VPS13A: variants seen among roughly 807,000 people sequenced by gnomAD.
The protein encoded by VPS13A is intermembrane lipid transfer protein VPS13A.
VPS13A carries 264 observed loss-of-function variants against 390.9 expected under a neutral mutation model. That is an observed-to-expected ratio of 0.68 (90% CI 0.61 to 0.75). The LOEUF is 0.75. Among genes scored for constraint, VPS13A ranks in the 30% least tolerant of loss-of-function variants. The pLI is 0.00. For synonymous variants in VPS13A, 1,231 were observed against 1,227.1 expected (o/e 1.00, Z -0.07); for missense variants, 3,409 against 3,733.9 (o/e 0.91, Z 2.27).
chr9:77,306,601 T>C (rs1828767425), intron 34 of VPS13A, among the ~76,000 whole-genome samples: 1 of 152,124 alleles, frequency 6.6e-6, no homozygotes, highest in East Asian at 1.9e-4. Flanking sequence ...GGCAGTCTGC[T>C]GGCAGAATTC....
chr9:77,334,723 G>C (rs1025599030), intron 46 of VPS13A, among the ~76,000 whole-genome samples: 4 of 152,068 alleles, frequency 2.6e-5, no homozygotes, highest in Non-Finnish European at 5.9e-5. Flanking sequence ...TAAATGTTTT[G>C]ATAAACTGGA....
chr9:77,328,791 C>T (rs1371204584), intron 45 of VPS13A, among the ~76,000 whole-genome samples: 1 of 152,158 alleles, frequency 6.6e-6, no homozygotes, highest in Non-Finnish European at 1.5e-5. Flanking sequence ...AATGTTATAG[C>T]TGGTTTGATC....
Position 77,408,161 on chromosome 9 carries a change from T to G in VPS13A, c.9474+554T>G, listed in dbSNP as rs2131660425. On this transcript the variant is annotated intron_variant, in intron 71 of 71. Transcript: ENST00000360280. ...GTGAACTGAAAAGCATGGTGTGTAC[T>G]TTAGGGATTATGGCAATCAATCACA... is the stretch of plus-strand genomic sequence containing the variant. 3.3e-5 allele frequency among the ~76,000 whole-genome samples: 5 copies of G among 152,332 alleles called. No homozygotes were observed. The South Asian group carries it at 1.0e-3, about 32-fold the overall frequency.
At chr9:77,310,541 G>A (rs1177972017) in intron 35 of VPS13A, among the ~76,000 whole-genome samples, 3 of 152,210 alleles carry the variant, frequency 2.0e-5, no homozygotes, top group Admixed American at 2.0e-4. Context: ...AATGTGAGAA[G>A]AGAACCTCTT....
intron 20 of VPS13A, among the ~76,000 whole-genome samples, chr9:77,248,371 A>T (rs1824948347): frequency 6.6e-6 from 1 of 151,454 alleles, no homozygotes; most frequent in African/African-American, 2.4e-5. Flanking sequence ...CCCCGCCACC[A>T]CGCCCGGCTA....
At chr9:77,373,173 G>A (rs1290898681) in intron 67 of VPS13A, among the ~76,000 whole-genome samples, 2 of 150,920 alleles carry the variant, frequency 1.3e-5, no homozygotes, top group Admixed American at 6.6e-5. Flanking sequence ...AGCCCGCATC[G>A]CCAAGGCAAT....
intron 46 of VPS13A, among the ~76,000 whole-genome samples, chr9:77,336,835 C>T (rs1395619842): frequency 8.3e-6 from 1 of 119,832 alleles, no homozygotes; most frequent in Non-Finnish European, 1.6e-5. Flanking sequence ...GAGGCTCTGT[C>T]GCCCAGGCTG....
chr9:77,244,003 C>G (rs915458249), intron 19 of VPS13A, among the ~76,000 whole-genome samples: 84 of 152,124 alleles, frequency 5.5e-4, no homozygotes, highest in Non-Finnish European at 5.1e-4. Flanking sequence ...TTTTGGTGGC[C>G]GAGCGGGGAG....
Position 77,337,152 on chromosome 9 carries a change from A to G in VPS13A, c.6096-103A>G, listed in dbSNP as rs375632398. ...TATGAAAATATAAAAATGTACTACA[A>G]TATTATGAAAGGAGGTAAGTTTGTT... is the stretch of plus-strand genomic sequence containing the variant. On this transcript the variant is annotated intron_variant, in intron 46 of 71. Coordinates refer to ENST00000360280, the MANE Select transcript of VPS13A (RefSeq NM_033305.3). 9.6e-5 allele frequency: 110 copies of G among 1,146,216 alleles called. No individual in the cohort carries two copies. In the East Asian group the frequency reaches 2.4e-3, roughly 25 times the overall value. The allele number at this position is 1,146,216 out of a possible 1,614,324, so 71.0% of individuals were successfully genotyped here.
intron 69 of VPS13A, among the ~76,000 whole-genome samples, chr9:77,405,068 G>GAAGA (rs1157482825): frequency 6.6e-6 from 1 of 151,802 alleles, no homozygotes; most frequent in African/African-American, 2.4e-5. Flanking sequence ...GAAAAATTAA[G>GAAGA]AAGAAAGACA....
intron 69 of VPS13A, 76 bp from the exon 70 acceptor site, chr9:77,405,788 C>T: frequency 1.3e-6 from 2 of 1,581,650 alleles, no homozygotes; most frequent in Non-Finnish European, 1.7e-6. Flanking sequence ...ACTTGCGATT[C>T]ATTCGTATCC....
intron 38 of VPS13A, among the ~76,000 whole-genome samples, chr9:77,315,951 T>A (rs1342572965): frequency 6.6e-6 from 1 of 151,984 alleles, no homozygotes; most frequent in Admixed American, 6.6e-5. Flanking sequence ...ACTAGATTAG[T>A]TTCTAGGCTT....
chr9:77,366,975 A>C, intron 61 of VPS13A, 103 bp downstream of exon 61: 1 of 1,222,646 alleles, frequency 8.2e-7, no homozygotes. Flanking sequence ...GTTGCAGATC[A>C]TAGGCAAAAT....
chr9:77,385,317 G>A (rs957629656), intron 68 of VPS13A: 36 of 379,876 alleles, frequency 9.5e-5, no homozygotes, highest in Non-Finnish European at 1.2e-4. Context: ...GAAAAAGACC[G>A]TTCTTTTATG....
rs72748232 is a variant in VPS13A at position 77,406,184 on chromosome 9, T to C, written c.9399+197T>C. ...CTAGGCCAAGAAAAACTGTGCTTTC[T>C]GTGCTATTGCACTGACAATAACATT... is the stretch of plus-strand genomic sequence containing the variant. On this transcript the variant is annotated intron_variant, in intron 70 of 71. Coordinates refer to ENST00000360280, the MANE Select transcript of VPS13A (RefSeq NM_033305.3). Among the ~76,000 whole-genome samples the C allele has an allele frequency of 0.059, 8,919 of 151,832 alleles. 379 individuals are homozygous for C. Among genetic ancestry groups the C allele is most frequent in the South Asian group, 0.12 (587 of 4,806 alleles).
chr9:77,415,996 C>T lies in VPS13A; in HGVS notation c.9515C>T (p.Pro3172Leu), dbSNP rs75740713. ...CTACAAGAAGCAAGAGAACCTTCTC[C>T]GAGCCTCTGACAGAGAACACTGCCT... ...TKLQEAREPS[P>L]SL The change falls in exon 72 of 72, where the codon CCG becomes CTG. Residue 3172 changes from proline to leucine, a missense_variant. Physicochemically the swap from Pro to Leu is moderately conservative, Grantham distance 98. Coordinates refer to ENST00000360280, the MANE Select transcript of VPS13A (RefSeq NM_033305.3). 79 of 1,613,394 alleles carry T rather than the reference C, an allele frequency of 4.9e-5. 1 individual carries two copies. Among genetic ancestry groups the T allele is most frequent in the South Asian group, 3.7e-4 (34 of 91,064 alleles).
chr9:77,201,488 T>G lies in VPS13A; in HGVS notation c.187+81T>G. 5 of 1,160,854 alleles carry G rather than the reference T, an allele frequency of 4.3e-6. No homozygotes were observed. The South Asian group carries it at 6.3e-5, about 15-fold the overall frequency. 71.9% of individuals were successfully genotyped at this position (1,160,854 alleles called of 1,614,324 possible). The stretch of plus-strand genomic sequence containing the variant: ...TTTGCCTAATATATCTATTATGTGA[T>G]ATTTTTCATGTTTCTGAGCATCAAT... On this transcript the variant is annotated intron_variant, in intron 3 of 71. Coordinates refer to ENST00000360280, the MANE Select transcript of VPS13A (RefSeq NM_033305.3).
At chr9:77,376,158 G>C (rs1833061701) in intron 67 of VPS13A, among the ~76,000 whole-genome samples, 1 of 152,284 alleles carries the variant, frequency 6.6e-6, no homozygotes, top group African/African-American at 2.4e-5. Context: ...AAAAAGCCCT[G>C]ATGCAAGAAT....
At chr9:77,253,891 G>C (rs1418274325) in intron 22 of VPS13A, among the ~76,000 whole-genome samples, 1 of 136,828 alleles carries the variant, frequency 7.3e-6, no homozygotes, top group Non-Finnish European at 1.6e-5. Flanking sequence ...GATCCATTGA[G>C]TTAATTTTTG....
Sources: gnomAD v4.1 joint callset for allele counts (sites outside exome capture counted in the v4.1 genomes callset) on GRCh38, gnomAD v4.1.1 for gene constraint, MANE v1.5 for transcripts, NCBI Gene and HGNC (gene_info 2026-07-23, HGNC 2026-07-21) for gene names.